The following LIAT1 variants were observed in gnomAD, a reference collection of about 807,000 sequenced individuals.
LIAT1 encodes ligand of ATE1.
At chr17:414,604 G>C in the LIAT1 span, 7 of 158,774 alleles carry the variant, frequency 4.4e-5, no homozygotes, top group Non-Finnish European at 9.7e-5. The surrounding 1 kb of genome is among the most constrained non-coding windows in gnomAD (Gnocchi z 4.1). Context: ...CCATCCCTGG[G>C]AAGTTACCAT....
At chr17:410,367 G>C in the LIAT1 span, 2 of 1,507,900 alleles carry the variant, frequency 1.3e-6, no homozygotes, top group Non-Finnish European at 1.8e-6. Context: ...CCCTGGCCTG[G>C]CGGTCCGCGC....
the LIAT1 span, chr17:414,223 A>AACCTTTGTACAT: frequency 7.3e-7 from 1 of 1,374,302 alleles, no homozygotes; most frequent in Non-Finnish European, 9.9e-7. The surrounding 1 kb of genome is among the most constrained non-coding windows in gnomAD (Gnocchi z 4.1). Flanking sequence ...AAGGAAACAG[A>AACCTTTGTACAT]TGTTCGGTAC....
the LIAT1 span, chr17:414,262 A>G: frequency 1.8e-5 from 18 of 1,019,214 alleles, no homozygotes; most frequent in East Asian, 9.5e-5. This position sits in a 1 kb window ranked among gnomAD's most constrained non-coding sequence, Gnocchi z 4.1. Context: ...CCCATCACCA[A>G]GCTGCCCTCG....
the LIAT1 span, chr17:410,647 G>A: frequency 6.5e-7 from 1 of 1,539,294 alleles, no homozygotes; most frequent in African/African-American, 1.4e-5. Context: ...AAGGGGGACG[G>A]TAAGAGGAGC....
chr17:410,873 C>T, the LIAT1 span, among the ~76,000 whole-genome samples: 1 of 152,200 alleles, frequency 6.6e-6, no homozygotes, highest in Non-Finnish European at 1.5e-5. Flanking sequence ...GAGACCCCTA[C>T]AGATATCCAC....
chr17:410,400 A>G, the LIAT1 span: 6 of 1,529,032 alleles, frequency 3.9e-6, no homozygotes, highest in Non-Finnish European at 4.4e-6. Context: ...ATTAGTCGGC[A>G]TCGGGCCTCG....
chr17:414,235 C>G, the LIAT1 span: 7 of 1,254,306 alleles, frequency 5.6e-6, no homozygotes, highest in South Asian at 7.3e-5. This position sits in a 1 kb window ranked among gnomAD's most constrained non-coding sequence, Gnocchi z 4.1. Context: ...GTTCGGTACA[C>G]GGACGACGCC....
chr17:411,508 T>C, the LIAT1 span, among the ~76,000 whole-genome samples: 2 of 152,120 alleles, frequency 1.3e-5, no homozygotes, highest in Non-Finnish European at 2.9e-5. Flanking sequence ...CACTCCAGCC[T>C]GGGCAACAAG....
the LIAT1 span, chr17:414,024 C>A: frequency 6.2e-7 from 1 of 1,614,254 alleles, no homozygotes; most frequent in South Asian, 1.1e-5. The surrounding 1 kb of genome is among the most constrained non-coding windows in gnomAD (Gnocchi z 4.1). Context: ...AGGCAGCCCA[C>A]GTCGAAAGCC....
the LIAT1 span, among the ~76,000 whole-genome samples, chr17:412,868 T>C: frequency 6.6e-6 from 1 of 152,254 alleles, no homozygotes; most frequent in African/African-American, 2.4e-5. Flanking sequence ...CCTGAACCTT[T>C]TGGAGCTTCG....
At chr17:413,346 A>T in the LIAT1 span, 1 of 1,614,236 alleles carries the variant, frequency 6.2e-7, no homozygotes, top group Non-Finnish European at 8.5e-7. Context: ...CGGATCAACG[A>T]AAGTCTGCGT....
At chr17:410,393 A>G in the LIAT1 span, 9 of 1,525,358 alleles carry the variant, frequency 5.9e-6, no homozygotes, top group Non-Finnish European at 7.0e-6. Flanking sequence ...GTCGCCGATT[A>G]GTCGGCATCG....
the LIAT1 span, chr17:414,206 G>T: frequency 1.4e-6 from 2 of 1,430,308 alleles, no homozygotes; most frequent in Non-Finnish European, 1.9e-6. The surrounding 1 kb of genome is among the most constrained non-coding windows in gnomAD (Gnocchi z 4.1). Context: ...AATGAGACCC[G>T]TATCTGAAGG....
the LIAT1 span, among the ~76,000 whole-genome samples, chr17:411,823 G>T: frequency 8.5e-5 from 13 of 152,334 alleles, no homozygotes; most frequent in Admixed American, 7.8e-4. Flanking sequence ...GAATGCAGGT[G>T]CCCGTGAGTG....
chr17:414,248 C>A, the LIAT1 span: 2 of 1,150,360 alleles, frequency 1.7e-6, no homozygotes, highest in Non-Finnish European at 2.5e-6. This position sits in a 1 kb window ranked among gnomAD's most constrained non-coding sequence, Gnocchi z 4.1. Context: ...ACGACGCCGA[C>A]TCTCCCATCA....
At chr17:410,604 A>G in the LIAT1 span, 4 of 1,544,644 alleles carry the variant, frequency 2.6e-6, no homozygotes, top group Non-Finnish European at 3.5e-6. Flanking sequence ...GGTGAAGAAG[A>G]AAAAAAGGAA....
the LIAT1 span, chr17:414,380 C>T: frequency 4.2e-6 from 2 of 471,798 alleles, no homozygotes; most frequent in African/African-American, 2.0e-5. This position sits in a 1 kb window ranked among gnomAD's most constrained non-coding sequence, Gnocchi z 4.1. Flanking sequence ...CTTAATTTCT[C>T]ACCACAGCTA....
chr17:411,928 G>A, the LIAT1 span, among the ~76,000 whole-genome samples: 1 of 152,230 alleles, frequency 6.6e-6, no homozygotes, highest in Admixed American at 6.5e-5. Flanking sequence ...GGCCCTCTGT[G>A]GCAGAGCTGG....
At chr17:410,630 G>T in the LIAT1 span, 49 of 1,541,400 alleles carry the variant, frequency 3.2e-5, no homozygotes, top group East Asian at 1.1e-3. Context: ...AGACCAAGGG[G>T]TCTGGCAAGG....
Sources: allele counts gnomAD v4.1 joint callset (sites outside exome capture counted in the v4.1 genomes callset), GRCh38; gene constraint gnomAD v4.1.1; non-coding constraint Gnocchi (gnomAD v3.1); transcripts MANE v1.5; gene names NCBI Gene and HGNC (gene_info 2026-07-23, HGNC 2026-07-21).